HPS1: variants seen among roughly 807,000 people sequenced by gnomAD.
HPS1 encodes HPS1 biogenesis of lysosomal organelles complex 3 subunit 1.
A neutral mutation model predicts 90.6 loss-of-function variants in HPS1; 59 were observed. The ratio of observed to expected loss-of-function variants is 0.65; its 90% CI spans 0.53 to 0.81. HPS1 has a LOEUF of 0.81. Ranked by LOEUF, HPS1 falls within the 30% of genes least tolerant of loss-of-function variation. The pLI is 0.00. For missense variants in HPS1, 849 were observed against 896.7 expected (o/e 0.95, Z 0.68); for synonymous variants, 388 against 384.4 (o/e 1.01, Z -0.11).
chr10:98,418,849 G>A (rs78602794), intron 18 of HPS1, among the ~76,000 whole-genome samples: 318 of 152,334 alleles, frequency 2.1e-3, no homozygotes, highest in Non-Finnish European at 3.3e-3. Context: ...CACCCCACGG[G>A]GCCACCCAAG....
At chr10:98,431,043 G>T (rs975730833) in intron 7 of HPS1, 88 bp downstream of exon 7, 3 of 1,370,876 alleles carry the variant, frequency 2.2e-6, no homozygotes, top group Non-Finnish European at 3.1e-6. Context: ...ATTCTTGGCT[G>T]GGCAGGTGGT....
chr10:98,435,364 C>G lies in HPS1; in HGVS notation c.306G>C (p.Glu102Asp). The change falls in exon 5 of 20, where the codon GAG becomes GAC. Residue 102 changes from glutamate to aspartate, a missense_variant. Glu to Asp is a conservative substitution (Grantham distance 45, BLOSUM62 2). Coordinates refer to ENST00000361490, the MANE Select transcript of HPS1 (RefSeq NM_000195.5). This position sits in a 1 kb window ranked among gnomAD's most constrained non-coding sequence, Gnocchi z 4.3. Reference protein sequence around the residue: ...IAINGDHTESEGDLRRKLYVL... With the variant: ...IAINGDHTESDGDLRRKLYVL... ...CATACAGCTTCCGCCGCAGGTCCCC[C>G]TCGCTCTCGGTGTGGTCACCATTGA... 6.2e-7 allele frequency: 1 copy of G among 1,614,084 alleles called. No homozygotes were observed. The highest frequency in any genetic ancestry group is 1.1e-5 in the South Asian group (1 of 91,068).
chr10:98,414,180 CTAG>C (rs1490192386), downstream of HPS1: 1 of 152,086 alleles, frequency 6.6e-6, no homozygotes, highest in Non-Finnish European at 1.5e-5. Flanking sequence ...CGCAACTGCT[CTAG>C]TACATATGAA....
chr10:98,439,205 C>A (rs990290667), intron 3 of HPS1, among the ~76,000 whole-genome samples: 3 of 152,202 alleles, frequency 2.0e-5, no homozygotes, highest in Non-Finnish European at 2.9e-5. Flanking sequence ...TCAGACACCT[C>A]CACACAGAGT....
In HPS1 at chr10:98,431,214, G is replaced by A; in HGVS notation, c.585C>T (p.Val195=). 1 of 1,614,048 alleles carries A rather than the reference G, an allele frequency of 6.2e-7. No individual in the cohort carries two copies. The highest frequency in any genetic ancestry group is 8.5e-7 in the Non-Finnish European group (1 of 1,179,994). Residue 195 remains valine (V), a synonymous_variant, in exon 7 of 20, where the codon GTC becomes GTT. Coordinates refer to ENST00000361490, the MANE Select transcript of HPS1 (RefSeq NM_000195.5). ...EALERHVIQA[V]NTSPERGGEE... is the part of the protein sequence containing the mutation. ...CGCCTCCCCGCTCGGGGCTGGTGTT[G>A]ACAGCCTGGATGACGTGCCGCTCCA...
chr10:98,436,127 C>T (rs1847287594), intron 3 of HPS1, among the ~76,000 whole-genome samples: 1 of 152,098 alleles, frequency 6.6e-6, no homozygotes, highest in Admixed American at 6.6e-5. Context: ...TGCAATAAGT[C>T]TACTTTGGAA....
intron 7 of HPS1, 75 bp downstream of exon 7, chr10:98,431,056 T>C (rs921159918): frequency 1.3e-6 from 2 of 1,505,312 alleles, no homozygotes; most frequent in Non-Finnish European, 1.8e-6. Flanking sequence ...CAGGTGGTGC[T>C]TTTCAGGCAG....
chr10:98,418,506 A>G (rs938474547), intron 18 of HPS1, among the ~76,000 whole-genome samples: 5 of 152,234 alleles, frequency 3.3e-5, no homozygotes, highest in African/African-American at 1.2e-4. Context: ...GGACCTGTAC[A>G]GGCCACAAAC....
intron 19 of HPS1, 69 bp downstream of exon 19, chr10:98,418,106 C>T: frequency 1.9e-6 from 2 of 1,027,452 alleles, no homozygotes; most frequent in African/African-American, 1.6e-5. Flanking sequence ...GAAGCTGCTC[C>T]CGGCAGAGGC....
chr10:98,434,143 C>T, intron 5 of HPS1, 52 bp from the exon 6 acceptor site: 1 of 1,520,116 alleles, frequency 6.6e-7, no homozygotes, highest in Non-Finnish European at 8.8e-7. Context: ...GCTGGTCTCC[C>T]CCACACCCAA....
chr10:98,429,927 T>C (rs1369443405), intron 8 of HPS1, 38 bp from the exon 9 acceptor site: 1 of 1,573,896 alleles, frequency 6.4e-7, no homozygotes, highest in East Asian at 2.2e-5. Flanking sequence ...AGCTCCTATC[T>C]GACCTGGCTC....
At chr10:98,428,881 G>A (rs866454309) in intron 10 of HPS1, among the ~76,000 whole-genome samples, 5 of 150,076 alleles carry the variant, frequency 3.3e-5, no homozygotes, top group African/African-American at 4.9e-5. Context: ...TTGCTCTGTC[G>A]CCCAGGCTGG....
Position 98,425,586 on chromosome 10 carries a change from C to T in HPS1, c.1290G>A (p.Gln430=). The T allele has an allele frequency of 6.2e-7, 1 of 1,613,780 alleles. No homozygotes were observed. Among genetic ancestry groups the T allele is most frequent in the Non-Finnish European group, 8.5e-7 (1 of 1,179,898 alleles). Residue 430 remains glutamine (Q), a synonymous_variant, in exon 13 of 20, where the codon CAG becomes CAA. Coordinates refer to ENST00000361490, the MANE Select transcript of HPS1 (RefSeq NM_000195.5). ...GATTCTTGACAAACTTGTCCATCCTCTGGCGCAGGTCTCCCACGAGGGGCT... is the reference window on the plus strand; with the variant it reads ...GATTCTTGACAAACTTGTCCATCCTTTGGCGCAGGTCTCCCACGAGGGGCT... The part of the protein sequence containing the change: ...RSQPLVGDLR[Q]RMDKFVKNRG...
At chr10:98,443,900 G>T (rs111614359) in intron 2 of HPS1, among the ~76,000 whole-genome samples, 7,341 of 152,206 alleles carry the variant, frequency 0.048, 203 homozygotes, top group Middle Eastern at 0.061. Context: ...AGGCATGGTG[G>T]CAAGTGCCTG....
chr10:98,418,482 T>C (rs184801281), intron 18 of HPS1, among the ~76,000 whole-genome samples: 16 of 152,276 alleles, frequency 1.1e-4, no homozygotes, highest in Admixed American at 3.9e-4. Flanking sequence ...TAGCTCTCAT[T>C]ACCGTCAATA....
chr10:98,428,903 A>G (rs998458023), intron 10 of HPS1, among the ~76,000 whole-genome samples: 1 of 150,938 alleles, frequency 6.6e-6, no homozygotes, highest in Admixed American at 6.6e-5. Flanking sequence ...GTGCAGTGGC[A>G]TGATCTTGGC....
At chr10:98,421,560 G>C (rs966202439) in intron 17 of HPS1, among the ~76,000 whole-genome samples, 2 of 152,192 alleles carry the variant, frequency 1.3e-5, no homozygotes, top group African/African-American at 2.4e-5. Context: ...TGCACATACA[G>C]AGTGATCTCA....
In HPS1 at chr10:98,423,845, G is replaced by A. The variant is rs1845235080; in HGVS notation, c.1440C>T (p.Ala480=). The change falls in exon 15 of 20, where the codon GCC becomes GCT. Residue 480 remains alanine, a synonymous_variant. Transcript: ENST00000361490. ...ACGKLKRQLC[A]IYRLNFLTTA... ...TGGTCAGAAAGTTCAGCCGGTAGAT[G>A]GCGCAGAGCTGCCGCTTCAGCTTCC... 1 of 1,613,886 alleles carries A rather than the reference G, an allele frequency of 6.2e-7. No individual in the cohort carries two copies. The highest frequency in any genetic ancestry group is 1.3e-5 in the African/African-American group (1 of 75,042).
chr10:98,437,516 T>C (rs1847509388), intron 3 of HPS1, among the ~76,000 whole-genome samples: 1 of 152,242 alleles, frequency 6.6e-6, no homozygotes, highest in Non-Finnish European at 1.5e-5. Flanking sequence ...ACCTTCTCTA[T>C]GTTCATTCAG....
Sources: gnomAD v4.1 joint callset for allele counts (sites outside exome capture counted in the v4.1 genomes callset) on GRCh38, gnomAD v4.1.1 for gene constraint, Gnocchi (gnomAD v3.1) non-coding constraint, MANE v1.5 for transcripts, NCBI Gene and HGNC (gene_info 2026-07-23, HGNC 2026-07-21) for gene names.